Variants in LRP1B observed in about 807,000 individuals in gnomAD.
The protein encoded by LRP1B is low-density lipoprotein receptor-related protein 1B.
A neutral mutation model predicts 556.6 loss-of-function variants in LRP1B; 217 were observed. The ratio of observed to expected loss-of-function variants is 0.39; its 90% CI spans 0.35 to 0.44. The LOEUF (loss-of-function observed/expected upper bound fraction) is 0.44, where lower values mean the gene tolerates loss of function less well. Ranked by LOEUF, LRP1B falls within the 20% of genes least tolerant of loss-of-function variation. The pLI is 1.00. For missense variants in LRP1B, 5,053 were observed against 5,620.8 expected, an observed-to-expected ratio of 0.90 and a Z score of 3.23; for synonymous variants, 2,047 against 1,865.8, an observed-to-expected ratio of 1.10 and a Z score of -2.50.
chr2:140,840,236 GCCAGCAA>G (rs1692058350), intron 30 of LRP1B, 151 bp from the exon 31 acceptor site: 9 of 555,308 alleles, frequency 1.6e-5, no homozygotes, highest in Non-Finnish European at 2.5e-5. Flanking sequence ...CCAGCCATTT[GCCAGCAA>G]TAACCTACAT....
At chr2:142,052,366 T>C (rs1259697168) in intron 1 of LRP1B, among the ~76,000 whole-genome samples, 2 of 152,058 alleles carry the variant, frequency 1.3e-5, no homozygotes, top group Non-Finnish European at 2.9e-5. Flanking sequence ...CAGAATGAAG[T>C]ATAGGAAAAG....
intron 2 of LRP1B, among the ~76,000 whole-genome samples, chr2:141,630,515 C>G (rs150271494): frequency 0.014 from 2,059 of 152,244 alleles, 39 homozygotes; most frequent in South Asian, 0.024. Flanking sequence ...TCTGATATAG[C>G]AAAGATTTCC....
intron 1 of LRP1B, among the ~76,000 whole-genome samples, chr2:141,811,095 C>A (rs993304261): frequency 6.6e-6 from 1 of 152,192 alleles, no homozygotes; most frequent in East Asian, 1.9e-4. Context: ...AAATCTGCAG[C>A]CTTTCCTCAA....
chr2:141,471,708 T>C (rs188413539), intron 3 of LRP1B, among the ~76,000 whole-genome samples: 122 of 152,316 alleles, frequency 8.0e-4, no homozygotes, highest in East Asian at 7.9e-3. Context: ...GCAGAAAATA[T>C]GTCTTTCTGA....
intron 2 of LRP1B, among the ~76,000 whole-genome samples, chr2:141,508,767 A>G (rs1243599934): frequency 2.6e-5 from 4 of 152,122 alleles, no homozygotes; most frequent in Admixed American, 2.0e-4. Context: ...TTATTTTTAG[A>G]GCTCAAGTAG....
chr2:141,577,597 G>A (rs748614107), intron 2 of LRP1B, among the ~76,000 whole-genome samples: 1 of 152,122 alleles, frequency 6.6e-6, no homozygotes, highest in Admixed American at 6.6e-5. Context: ...GCACCTGGCA[G>A]GCATTTGTAG....
chr2:140,415,290 T>C (rs187772038), intron 66 of LRP1B, among the ~76,000 whole-genome samples: 1 of 152,294 alleles, frequency 6.6e-6, no homozygotes, highest in Admixed American at 6.5e-5. Flanking sequence ...GTAGTTCTGC[T>C]TTTGCCCTTT....
chr2:140,708,021 A>G (rs974773098), intron 37 of LRP1B, among the ~76,000 whole-genome samples: 6 of 152,098 alleles, frequency 3.9e-5, no homozygotes, highest in Non-Finnish European at 7.4e-5. Context: ...TTCATTAGGT[A>G]TCTATTATGT....
chr2:140,810,252 A>G (rs1690873173), intron 32 of LRP1B, among the ~76,000 whole-genome samples: 1 of 152,168 alleles, frequency 6.6e-6, no homozygotes, highest in Admixed American at 6.6e-5. Context: ...TTTTTTAGTG[A>G]AAGACAAACT....
chr2:141,941,423 A>G (rs1462508386), intron 1 of LRP1B, among the ~76,000 whole-genome samples: 1 of 152,206 alleles, frequency 6.6e-6, no homozygotes, highest in Non-Finnish European at 1.5e-5. Flanking sequence ...GCCACAGTCA[A>G]TACTGTAATA....
intron 3 of LRP1B, among the ~76,000 whole-genome samples, chr2:141,396,645 G>C (rs1690247180): frequency 6.6e-6 from 1 of 151,972 alleles, no homozygotes; most frequent in Admixed American, 6.6e-5. Flanking sequence ...ATGTATCTTT[G>C]CTCTTTCATA....
At chr2:140,884,996 A>G (rs909726580) in intron 24 of LRP1B, among the ~76,000 whole-genome samples, 1 of 152,190 alleles carries the variant, frequency 6.6e-6, no homozygotes, top group Non-Finnish European at 1.5e-5. Context: ...TACAAGCATG[A>G]GCCACTGTGC....
intron 41 of LRP1B, among the ~76,000 whole-genome samples, chr2:140,615,660 A>G (rs972351924): frequency 2.6e-5 from 4 of 152,062 alleles, no homozygotes; most frequent in Admixed American, 6.6e-5. Context: ...TCTCTTAGCT[A>G]TTAGAGTGAA....
At chr2:140,639,572 C>T (rs1370303947) in intron 41 of LRP1B, among the ~76,000 whole-genome samples, 2 of 152,182 alleles carry the variant, frequency 1.3e-5, no homozygotes, top group Admixed American at 1.3e-4. Context: ...GTACTTGCTG[C>T]ATTTTTAAAT....
At chr2:140,566,978 A>C (rs1681150935) in intron 43 of LRP1B, among the ~76,000 whole-genome samples, 1 of 152,112 alleles carries the variant, frequency 6.6e-6, no homozygotes, top group Non-Finnish European at 1.5e-5. Flanking sequence ...CCTGAGCTGA[A>C]GTGACACATT....
At chr2:141,172,672 T>C (rs531149985) in intron 7 of LRP1B, among the ~76,000 whole-genome samples, 34 of 152,184 alleles carry the variant, frequency 2.2e-4, no homozygotes, top group African/African-American at 8.2e-4. Flanking sequence ...ACAAAATCTT[T>C]CTTTAAATCA....
rs1390588658 is a variant in LRP1B at position 140,895,448 on chromosome 2, G to C, written c.3766+7472C>G. Among the ~76,000 whole-genome samples, 2 of 152,148 alleles carry C rather than the reference G, an allele frequency of 1.3e-5. 1 individual carries two copies. Among genetic ancestry groups the C allele is most frequent in the African/African-American group, 4.8e-5 (2 of 41,446 alleles). On this transcript the variant is annotated intron_variant, in intron 23 of 90. Coordinates refer to ENST00000389484, the MANE Select transcript of LRP1B (RefSeq NM_018557.3). ...GCCTGCGGCTCTCAACCCCTCGTGGGAAGGGGAGAAGGCAGGTGAGTGCTC... is the reference window on the plus strand; with the variant it reads ...GCCTGCGGCTCTCAACCCCTCGTGGCAAGGGGAGAAGGCAGGTGAGTGCTC...
chr2:141,165,637 A>G (rs1680220093), intron 7 of LRP1B, among the ~76,000 whole-genome samples: 1 of 151,986 alleles, frequency 6.6e-6, no homozygotes, highest in Non-Finnish European at 1.5e-5. Flanking sequence ...ATAATATGAA[A>G]TTGTGTTACT....
intron 23 of LRP1B, chr2:140,899,076 G>C (rs1223418743): frequency 3.9e-6 from 1 of 259,406 alleles, no homozygotes; most frequent in African/African-American, 2.3e-5. Context: ...ACTTCAATAA[G>C]TACATGGAGA....
Sources: gnomAD v4.1 joint callset for allele counts (sites outside exome capture counted in the v4.1 genomes callset) on GRCh38, gnomAD v4.1.1 for gene constraint, MANE v1.5 for transcripts, NCBI Gene and HGNC (gene_info 2026-07-23, HGNC 2026-07-21) for gene names.